Variants in ADAM10 observed in about 807,000 individuals in gnomAD.
ADAM10 encodes the protein disintegrin and metalloproteinase domain-containing protein 10.
A neutral mutation model predicts 90.1 loss-of-function variants in ADAM10; 17 were observed. The ratio of observed to expected loss-of-function variants is 0.19; its 90% confidence interval spans 0.13 to 0.28. The LOEUF (loss-of-function observed/expected upper bound fraction) is 0.28, where lower values mean the gene tolerates loss of function less well. ADAM10 is among the 10% of genes least tolerant of loss of function. The probability of loss-of-function intolerance (pLI) is 1.00; values close to 1 mark genes in which losing one functional copy is unlikely to be tolerated. For missense variants in ADAM10, 610 were observed against 914.3 expected (o/e 0.67, Z 4.29); for synonymous variants, 310 against 298.6 (o/e 1.04, Z -0.40).
At chr15:58,615,880 T>C (rs550395891) in intron 11 of ADAM10, among the ~76,000 whole-genome samples, 1 of 152,036 alleles carries the variant, frequency 6.6e-6, no homozygotes, top group East Asian at 1.9e-4. Flanking sequence ...TGGTGGTACA[T>C]GCCTGTAGTC....
chr15:58,684,925 G>T (rs1454516133), intron 2 of ADAM10, among the ~76,000 whole-genome samples: 2 of 152,066 alleles, frequency 1.3e-5, no homozygotes, highest in Non-Finnish European at 2.9e-5. Flanking sequence ...ACACCCACTT[G>T]GTGTCTGGAG....
intron 5 of ADAM10, among the ~76,000 whole-genome samples, chr15:58,661,581 G>A (rs765617053): frequency 6.6e-6 from 1 of 151,932 alleles, no homozygotes; most frequent in Non-Finnish European, 1.5e-5. Flanking sequence ...GGTTTTTTAT[G>A]ATTTTCAGGT....
At chr15:58,646,331 C>T in intron 5 of ADAM10, 127 bp from the exon 6 acceptor site, 1 of 969,404 alleles carries the variant, frequency 1.0e-6, no homozygotes, top group Non-Finnish European at 1.5e-6. Flanking sequence ...TTTCTGCTGC[C>T]ATTAAAAGTT....
chr15:58,625,656 A>G (rs955254974), intron 10 of ADAM10, among the ~76,000 whole-genome samples: 13 of 152,206 alleles, frequency 8.5e-5, no homozygotes, highest in Non-Finnish European at 1.6e-4. Context: ...ATTTGGGAGC[A>G]TTTATCTCAA....
intron 2 of ADAM10, among the ~76,000 whole-genome samples, chr15:58,690,765 C>G (rs1897756682): frequency 6.6e-6 from 1 of 152,220 alleles, no homozygotes; most frequent in Non-Finnish European, 1.5e-5. Context: ...GAAACACATC[C>G]TCAGGAACAC....
intron 1 of ADAM10, 92 bp from the exon 2 acceptor site, chr15:58,717,819 G>C: frequency 6.6e-7 from 1 of 1,511,326 alleles, no homozygotes; most frequent in Non-Finnish European, 8.9e-7. Context: ...GAATATGTAT[G>C]AAACAACTTC....
intron 11 of ADAM10, among the ~76,000 whole-genome samples, chr15:58,614,199 C>G (rs1895536020): frequency 6.6e-6 from 1 of 151,924 alleles, no homozygotes; most frequent in South Asian, 2.1e-4. Flanking sequence ...GCACAAGAAT[C>G]ACTTGAACTT....
intron 3 of ADAM10, among the ~76,000 whole-genome samples, chr15:58,681,121 A>T (rs151157807): frequency 6.6e-6 from 1 of 152,194 alleles, no homozygotes; most frequent in African/African-American, 2.4e-5. Flanking sequence ...CCTAAATAAC[A>T]TGATTTTTAT....
intron 7 of ADAM10, among the ~76,000 whole-genome samples, chr15:58,641,585 A>C (rs1391475803): frequency 6.6e-6 from 1 of 152,202 alleles, no homozygotes; most frequent in Non-Finnish European, 1.5e-5. Flanking sequence ...GAGTTCTTCC[A>C]GAATGTTTCT....
intron 1 of ADAM10, among the ~76,000 whole-genome samples, chr15:58,721,549 C>A (rs1322238505): frequency 4.6e-5 from 7 of 152,248 alleles, no homozygotes; most frequent in Admixed American, 1.3e-4. Flanking sequence ...AGCCTACCTG[C>A]CCCTCTGCCC....
At chr15:58,639,102 A>C (rs1391485516) in intron 8 of ADAM10, among the ~76,000 whole-genome samples, 1 of 152,200 alleles carries the variant, frequency 6.6e-6, no homozygotes, top group Non-Finnish European at 1.5e-5. Context: ...TTAAGATCAC[A>C]TACTCACTTA....
intron 3 of ADAM10, among the ~76,000 whole-genome samples, chr15:58,680,017 T>C (rs1897386020): frequency 6.6e-6 from 1 of 152,154 alleles, no homozygotes; most frequent in Admixed American, 6.5e-5. Context: ...CTTTTGAAAA[T>C]TTTGCTACAG....
At chr15:58,638,388 G>A (rs1436073972) in intron 8 of ADAM10, among the ~76,000 whole-genome samples, 1 of 151,818 alleles carries the variant, frequency 6.6e-6, no homozygotes, top group Non-Finnish European at 1.5e-5. Context: ...AATAGAGGCG[G>A]GCGGATCACG....
At chr15:58,691,748 T>A (rs1897813871) in intron 2 of ADAM10, 3 of 347,964 alleles carry the variant, frequency 8.6e-6, no homozygotes, top group Non-Finnish European at 1.7e-5. Flanking sequence ...AGTGGCATGA[T>A]CTTGGCTCAC....
intron 2 of ADAM10, among the ~76,000 whole-genome samples, chr15:58,690,243 C>G (rs146760550): frequency 3.3e-5 from 5 of 152,158 alleles, no homozygotes; most frequent in African/African-American, 1.2e-4. Context: ...CTTCCTTAAC[C>G]CGATAAAATG....
At chr15:58,729,923 C>T (rs2140835676) in intron 1 of ADAM10, among the ~76,000 whole-genome samples, 1 of 147,198 alleles carries the variant, frequency 6.8e-6, no homozygotes, top group African/African-American at 2.5e-5. Context: ...GACCGTGCCA[C>T]TGTACTCCAG....
At chr15:58,748,044 CAG>C (rs58537904) in intron 1 of ADAM10, 7,340 of 152,276 alleles carry the variant, frequency 0.048, 395 homozygotes, top group African/African-American at 0.13. Context: ...GCTCCTCTAA[CAG>C]AGAGTCTCCC....
intron 2 of ADAM10, chr15:58,692,062 T>C (rs527363318): frequency 4.2e-5 from 20 of 472,444 alleles, no homozygotes; most frequent in South Asian, 2.6e-4. Flanking sequence ...GGAAAGATCC[T>C]TAAGAGTCAA....
At chr15:58,640,747 A>G in intron 8 of ADAM10, 30 bp downstream of exon 8, 1 of 1,602,706 alleles carries the variant, frequency 6.2e-7, no homozygotes, top group Non-Finnish European at 8.5e-7. Context: ...TCAAGTAGTA[A>G]GTTAAGACAT....
Sources: gnomAD v4.1 joint callset for allele counts (sites outside exome capture counted in the v4.1 genomes callset) on GRCh38, gnomAD v4.1.1 for gene constraint, MANE v1.5 for transcripts, NCBI Gene and HGNC (gene_info 2026-07-23, HGNC 2026-07-21) for gene names.